Variants in DCAF4 observed in about 807,000 individuals in gnomAD.
DCAF4 encodes DDB1 and CUL4 associated factor 4.
A neutral mutation model predicts 60.9 loss-of-function variants in DCAF4; 37 were observed. The observed-to-expected ratio is 0.61, with a 90% CI of 0.47 to 0.80. The LOEUF (loss-of-function observed/expected upper bound fraction) is 0.80, where lower values mean the gene tolerates loss of function less well. Among genes scored for constraint, DCAF4 ranks in the 30% least tolerant of loss-of-function variants. The pLI is 0.00. For missense variants in DCAF4, 577 were observed against 650.0 expected (o/e 0.89, Z 1.22); for synonymous variants, 243 against 254.8 (o/e 0.95, Z 0.44).
chr14:72,940,053 TC>T, intron 3 of DCAF4, 151 bp downstream of exon 3: 1 of 1,186,902 alleles, frequency 8.4e-7, no homozygotes, highest in Non-Finnish European at 1.2e-6. Context: ...GCAAACCGCC[TC>T]CCCCAGGACT....
At chr14:72,957,562 G>A (rs1892467960) in intron 13 of DCAF4, 1 of 152,224 alleles carries the variant, frequency 6.6e-6, no homozygotes. Context: ...ATCAACACCA[G>A]GACTTCGCCT....
At chr14:72,940,457 T>TTAGA in intron 4 of DCAF4, 80 bp downstream of exon 4, 1 of 1,452,988 alleles carries the variant, frequency 6.9e-7, no homozygotes, top group Non-Finnish European at 9.1e-7. Context: ...AGGGTGCCAA[T>TTAGA]TAGATGCCCC....
intron 9 of DCAF4, among the ~76,000 whole-genome samples, chr14:72,952,181 G>A (rs1281813987): frequency 6.6e-6 from 1 of 152,202 alleles, no homozygotes; most frequent in Non-Finnish European, 1.5e-5. Flanking sequence ...AAGGTCCAAA[G>A]CACCTCAGGT....
downstream of DCAF4, among the ~76,000 whole-genome samples, chr14:72,960,275 G>A (rs57682131): frequency 0.083 from 12,582 of 151,214 alleles, 652 homozygotes; most frequent in East Asian, 0.19. Context: ...TCAGCCTCCC[G>A]AGTAGGTTGG....
chr14:72,947,258 T>G, intron 8 of DCAF4, 67 bp downstream of exon 8: 4 of 1,558,562 alleles, frequency 2.6e-6, no homozygotes, highest in Non-Finnish European at 3.5e-6. Context: ...TGGGTATCTG[T>G]GGGCTTCATG....
intron 8 of DCAF4, 104 bp downstream of exon 8, chr14:72,947,295 T>A: frequency 7.7e-7 from 1 of 1,306,496 alleles, no homozygotes; most frequent in Non-Finnish European, 1.1e-6. Context: ...ACCAGAGGAC[T>A]AGACCCTTGT....
intron 6 of DCAF4, among the ~76,000 whole-genome samples, chr14:72,944,201 G>A (rs1313974924): frequency 3.3e-5 from 5 of 152,118 alleles, no homozygotes; most frequent in South Asian, 2.1e-4. Context: ...GTGGTAGGTC[G>A]TCTCCATCAC....
In DCAF4 at chr14:72,953,753, ATATATATATAGTTT is replaced by A. The variant is rs1474370785; in HGVS notation, c.809-410_809-397del. 2.3e-4 allele frequency among the ~76,000 whole-genome samples: 16 copies of A among 68,096 alleles called. 1 individual carries two copies. The highest frequency in any genetic ancestry group is 2.9e-4 in the Non-Finnish European group (9 of 30,948). 44.7% of individuals were successfully genotyped at this position (68,096 alleles called of 152,430 possible). ...AAAAAATATATATATATATATATAT[ATATATATATAGTTT>A]ATTTATTTATTTATTTGTGTGTGTG... On this transcript the variant is annotated intron_variant, in intron 9 of 13. Transcript: ENST00000358377.
chr14:72,950,317 G>A (rs1056026480), intron 8 of DCAF4, among the ~76,000 whole-genome samples: 5 of 152,114 alleles, frequency 3.3e-5, no homozygotes, highest in Admixed American at 6.5e-5. Context: ...GCTCTAGCCC[G>A]GGCATCTTGT....
At chr14:72,961,228 A>G (rs1367114325), downstream of DCAF4, among the ~76,000 whole-genome samples, 1 of 152,178 alleles carries the variant, frequency 6.6e-6, no homozygotes, top group Non-Finnish European at 1.5e-5. Context: ...TTTGGGAAAC[A>G]AGTTTGTTGA....
At chr14:72,953,732 A>ATATATATATAT (rs1200407934) in intron 9 of DCAF4, among the ~76,000 whole-genome samples, 3 of 21,762 alleles carry the variant, frequency 1.4e-4, no homozygotes, top group African/African-American at 7.0e-4. Context: ...AAAAAAAAAA[A>ATATATATATAT]ATATATATAT....
chr14:72,943,464 G>A (rs1890317736), intron 6 of DCAF4, among the ~76,000 whole-genome samples: 1 of 152,202 alleles, frequency 6.6e-6, no homozygotes, highest in Non-Finnish European at 1.5e-5. Flanking sequence ...CTGAACTGGG[G>A]CAGGACTTGG....
chr14:72,951,057 C>G (rs987197282), intron 8 of DCAF4, among the ~76,000 whole-genome samples: 1 of 151,890 alleles, frequency 6.6e-6, no homozygotes, highest in Non-Finnish European at 1.5e-5. Flanking sequence ...CACAGCTCAC[C>G]GCAGCCTTGA....
chr14:72,941,470 G>A (rs985474062), intron 4 of DCAF4, among the ~76,000 whole-genome samples: 10 of 152,296 alleles, frequency 6.6e-5, no homozygotes, highest in African/African-American at 1.7e-4. Flanking sequence ...CTGCACTCAC[G>A]CACCTGGTGG....
intron 7 of DCAF4, 124 bp from the exon 8 acceptor site, chr14:72,947,018 G>C: frequency 1.5e-6 from 2 of 1,298,126 alleles, no homozygotes; most frequent in South Asian, 2.4e-5. Flanking sequence ...GCTTGTTCCA[G>C]CCCATTTGAA....
intron 1 of DCAF4, chr14:72,929,637 C>T: frequency 7.8e-7 from 1 of 1,276,268 alleles, no homozygotes; most frequent in Non-Finnish European, 1.1e-6. Flanking sequence ...AGCGGCTTTC[C>T]TCATGGCAGC....
At chr14:72,939,373 T>A (rs1889718331) in intron 2 of DCAF4, among the ~76,000 whole-genome samples, 1 of 152,136 alleles carries the variant, frequency 6.6e-6, no homozygotes, top group African/African-American at 2.4e-5. Context: ...TGTAAGATTG[T>A]GTAGTCAAGT....
Position 72,943,183 on chromosome 14 carries a change from C to T in DCAF4, c.534+87C>T, listed in dbSNP as rs190011677. 31 of 1,259,128 alleles carry T rather than the reference C, an allele frequency of 2.5e-5. No homozygotes were observed. The East Asian group carries it at 7.1e-4, about 29-fold the overall frequency. 78.0% of individuals were successfully genotyped at this position (1,259,128 alleles called of 1,614,324 possible). A position where few individuals can be genotyped will look rare whatever the true frequency, so the allele number is the denominator to read the frequency against. On this transcript the variant is annotated intron_variant, in intron 6 of 13. Coordinates refer to ENST00000358377, the MANE Select transcript of DCAF4 (RefSeq NM_015604.4). ...TAGCGTTGCCAGTCATCAAACCTGG[C>T]TCTGGAGAAGCCAACTGCAATGAAA...
chr14:72,937,444 G>T, intron 1 of DCAF4, among the ~76,000 whole-genome samples: 1 of 105,218 alleles, frequency 9.5e-6, no homozygotes, highest in South Asian at 3.3e-4. Flanking sequence ...ATGGTGTCTT[G>T]CTCTGTCGCC....
Sources: allele counts gnomAD v4.1 joint callset (sites outside exome capture counted in the v4.1 genomes callset), GRCh38; gene constraint gnomAD v4.1.1; transcripts MANE v1.5; gene names NCBI Gene and HGNC (gene_info 2026-07-23, HGNC 2026-07-21).